RASSF3: variants seen among roughly 807,000 people sequenced by gnomAD.
RASSF3 encodes Ras association domain family member 3.
Under a neutral mutation model 19.9 loss-of-function variants are expected in RASSF3, and 19 were observed. The observed-to-expected ratio is 0.96, with a 90% CI of 0.67 to 1.40. The LOEUF is 1.40. Ranked by LOEUF, RASSF3 falls within the 40% of genes most tolerant of loss-of-function variation. The pLI is 0.00. For missense variants in RASSF3, 306 were observed against 289.8 expected (o/e 1.06, Z -0.41); for synonymous variants, 110 against 104.2 (o/e 1.06, Z -0.34).
At chr12:64,586,619 T>C (rs1415617801) in intron 2 of RASSF3, among the ~76,000 whole-genome samples, 1 of 150,842 alleles carries the variant, frequency 6.6e-6, no homozygotes, top group Admixed American at 6.6e-5. Context: ...ATGAGAAAAG[T>C]AAGATCAAGA....
chr12:64,658,203 C>A (rs1872225582), intron 1 of RASSF3, among the ~76,000 whole-genome samples: 1 of 152,064 alleles, frequency 6.6e-6, no homozygotes, highest in South Asian at 2.1e-4. Context: ...ACTTGATACC[C>A]ACAGACATAT....
chr12:64,563,826 C>G (rs1869386283), intron 2 of RASSF3, among the ~76,000 whole-genome samples: 1 of 152,228 alleles, frequency 6.6e-6, no homozygotes. Context: ...AGCCTCCACA[C>G]TACCACATCC....
At chr12:64,671,899 C>T (rs933912752) in intron 1 of RASSF3, among the ~76,000 whole-genome samples, 1 of 152,182 alleles carries the variant, frequency 6.6e-6, no homozygotes, top group Non-Finnish European at 1.5e-5. Flanking sequence ...GGGCTGTGAA[C>T]AGACTTATCA....
At chr12:64,544,589 G>T (rs1197588881), downstream of RASSF3, among the ~76,000 whole-genome samples, 1 of 151,136 alleles carries the variant, frequency 6.6e-6, no homozygotes, top group Non-Finnish European at 1.5e-5. Flanking sequence ...CTGCCCTTAA[G>T]CCTGGGCAAC....
At chr12:64,678,930 C>T (rs1039309828) in intron 1 of RASSF3, among the ~76,000 whole-genome samples, 8 of 152,166 alleles carry the variant, frequency 5.3e-5, no homozygotes, top group Admixed American at 2.6e-4. Context: ...CCTCTGGTCA[C>T]GCAGCTAGAA....
At chr12:64,615,364 A>C (rs1425505401) in intron 1 of RASSF3, among the ~76,000 whole-genome samples, 2 of 152,190 alleles carry the variant, frequency 1.3e-5, no homozygotes, top group Non-Finnish European at 2.9e-5. Context: ...TAGGGTAGTC[A>C]AGAAGTCTTG....
At chr12:64,679,926 G>A (rs575390235) in intron 1 of RASSF3, among the ~76,000 whole-genome samples, 79 of 152,240 alleles carry the variant, frequency 5.2e-4, no homozygotes, top group African/African-American at 1.7e-3. Context: ...AGACGGCTGC[G>A]CCCCATGCCA....
intron 1 of RASSF3, among the ~76,000 whole-genome samples, chr12:64,629,041 C>T (rs896979273): frequency 1.3e-5 from 2 of 151,812 alleles, no homozygotes; most frequent in Admixed American, 6.6e-5. Context: ...CTCAAGTGAT[C>T]GTTCCAGTTC....
chr12:64,530,422 T>C (rs1868683948), upstream of RASSF3, among the ~76,000 whole-genome samples: 2 of 152,012 alleles, frequency 1.3e-5, no homozygotes, highest in Non-Finnish European at 2.9e-5. Flanking sequence ...GGATTACATA[T>C]GTGAGCCACC....
At chr12:64,639,918 G>T (rs2136181416) in intron 1 of RASSF3, among the ~76,000 whole-genome samples, 1 of 152,334 alleles carries the variant, frequency 6.6e-6, no homozygotes, top group Non-Finnish European at 1.5e-5. Context: ...TTATATTGCA[G>T]AGATCTTTTG....
At chr12:64,548,501 T>C (rs1409564865) in intron 2 of RASSF3, among the ~76,000 whole-genome samples, 1 of 152,340 alleles carries the variant, frequency 6.6e-6, no homozygotes, top group East Asian at 1.9e-4. Context: ...ACAATTTTAC[T>C]TCTTTTGGTG....
At chr12:64,523,701 AT>A (rs199790723) in intron 1 of RASSF3, among the ~76,000 whole-genome samples, 256 of 146,450 alleles carry the variant, frequency 1.7e-3, no homozygotes, top group East Asian at 0.017. Context: ...TTTCAATTTA[AT>A]TTTTTTTTTT....
In RASSF3 at chr12:64,664,839, G is replaced by A. The variant is rs116345281; in HGVS notation, c.112-19948G>A. Among the ~76,000 whole-genome samples the A allele has an allele frequency of 4.7e-3, 711 of 152,218 alleles. 10 individuals carry two copies. The highest frequency in any genetic ancestry group is 0.016 in the African/African-American group (660 of 41,532). On this transcript the variant is annotated intron_variant, in intron 1 of 4. Coordinates refer to ENST00000542104, the MANE Select transcript of RASSF3 (RefSeq NM_178169.4). ...GCCTCAGTACAAGCATTGATCTTTG[G>A]CTGCTAGCCTTGCTTTTTAGTTTAA...
chr12:64,636,949 T>C (rs1267524564), intron 1 of RASSF3, among the ~76,000 whole-genome samples: 1 of 152,012 alleles, frequency 6.6e-6, no homozygotes, highest in Non-Finnish European at 1.5e-5. Flanking sequence ...TTATTGAGTA[T>C]GGACAATGCA....
At chr12:64,592,664 T>G (rs1213041880) in intron 2 of RASSF3, among the ~76,000 whole-genome samples, 1 of 152,078 alleles carries the variant, frequency 6.6e-6, no homozygotes, top group African/African-American at 2.4e-5. Flanking sequence ...TGAGATAGGG[T>G]CTTGCTCTGT....
intron 2 of RASSF3, among the ~76,000 whole-genome samples, chr12:64,687,309 T>C (rs1280187633): frequency 6.6e-6 from 1 of 152,054 alleles, no homozygotes; most frequent in Non-Finnish European, 1.5e-5. Context: ...GCCCCAAATA[T>C]ACTGAATACA....
At chr12:64,665,640 T>A (rs1184455357) in intron 1 of RASSF3, among the ~76,000 whole-genome samples, 1 of 152,162 alleles carries the variant, frequency 6.6e-6, no homozygotes, top group Non-Finnish European at 1.5e-5. Flanking sequence ...GGCAACAACC[T>A]GGAAGTTACC....
chr12:64,563,154 T>C lies in RASSF3; in HGVS notation c.294+21449T>C, dbSNP rs557635701. Among the ~76,000 whole-genome samples the C allele has an allele frequency of 2.0e-5, 3 of 151,132 alleles. No homozygotes were observed. The East Asian group carries it at 5.8e-4, about 29-fold the overall frequency. Reference sequence around the variant, plus strand: ...AATATTTTTTTCTTTTTTTCTGTCTTTTATTTATTTTTATTTTTATTTTTT... The same window carrying C: ...AATATTTTTTTCTTTTTTTCTGTCTCTTATTTATTTTTATTTTTATTTTTT... On this transcript the variant is annotated intron_variant, in intron 2 of 5. Transcript: ENST00000637125.
intron 2 of RASSF3, among the ~76,000 whole-genome samples, chr12:64,603,241 CATTA>C (rs1870127557): frequency 6.6e-6 from 1 of 151,956 alleles, no homozygotes; most frequent in Non-Finnish European, 1.5e-5. Flanking sequence ...TCAGAGTAAG[CATTA>C]ATGTCAAGGG....
Sources: allele counts gnomAD v4.1 joint callset (sites outside exome capture counted in the v4.1 genomes callset), GRCh38; gene constraint gnomAD v4.1.1; transcripts MANE v1.5; gene names NCBI Gene and HGNC (gene_info 2026-07-23, HGNC 2026-07-21).